The following DZANK1 variants were observed in gnomAD, a reference collection of about 807,000 sequenced individuals.
DZANK1 encodes the protein double zinc ribbon and ankyrin repeat-containing protein 1.
Under a neutral mutation model 94.5 loss-of-function variants are expected in DZANK1, and 91 were observed. The observed-to-expected ratio is 0.96, with a 90% confidence interval of 0.81 to 1.15. The LOEUF is 1.15. Ranked by LOEUF, DZANK1 falls within the 50% of genes most tolerant of loss-of-function variation. The pLI, the probability that DZANK1 is intolerant of heterozygous loss-of-function variation, is 0.00. For missense variants in DZANK1, 903 were observed against 916.4 expected, an observed-to-expected ratio of 0.99 and a Z score of 0.19; for synonymous variants, 312 against 325.3, an observed-to-expected ratio of 0.96 and a Z score of 0.44.
chr20:18,434,501 C>T (rs1412551199), intron 8 of DZANK1, among the ~76,000 whole-genome samples: 1 of 149,418 alleles, frequency 6.7e-6, no homozygotes, highest in Non-Finnish European at 1.5e-5. Flanking sequence ...GCCGAGATCG[C>T]CTCACTGCAC....
chr20:18,404,866 T>G (rs1471441306), intron 13 of DZANK1, among the ~76,000 whole-genome samples: 2 of 151,898 alleles, frequency 1.3e-5, no homozygotes, highest in Non-Finnish European at 2.9e-5. Context: ...CAGCTATAAT[T>G]GCACCACTGC....
At chr20:18,449,937 G>T (rs1003268742) in intron 6 of DZANK1, among the ~76,000 whole-genome samples, 1 of 151,574 alleles carries the variant, frequency 6.6e-6, no homozygotes, top group Non-Finnish European at 1.5e-5. Context: ...AATTAGCAGG[G>T]TGTGGTGGCG....
chr20:18,383,672 C>T (rs1381201403), exon 21 of DZANK1: 1 of 152,266 alleles, frequency 6.6e-6, no homozygotes. Context: ...ATATCTAACT[C>T]TGCACAACCC....
At chr20:18,453,906 A>G in intron 4 of DZANK1, 79 bp from the exon 5 acceptor site, 2 of 915,770 alleles carry the variant, frequency 2.2e-6, no homozygotes. Flanking sequence ...AGAAAGTGTC[A>G]TGGTGTGCAT....
chr20:18,388,265 C>T (rs2048633832), intron 19 of DZANK1, among the ~76,000 whole-genome samples: 1 of 152,208 alleles, frequency 6.6e-6, no homozygotes, highest in Non-Finnish European at 1.5e-5. Context: ...AAGGCTATTA[C>T]ACACCATTCA....
chr20:18,466,109 A>G (rs1031528057), intron 1 of DZANK1, among the ~76,000 whole-genome samples: 2 of 152,202 alleles, frequency 1.3e-5, no homozygotes, highest in African/African-American at 4.8e-5. Context: ...AATGCACAGA[A>G]GGTTTCAGGG....
chr20:18,400,989 T>C lies in DZANK1; in HGVS notation c.1433-2363A>G, dbSNP rs973238237. ...CTTGCTCTTGTCACCCAGGCTGGAG[T>C]ACAGTGGCATGATCTCAGCTCACTG... is the stretch of plus-strand genomic sequence containing the variant. On this transcript the variant is annotated intron_variant, in intron 13 of 20. Coordinates refer to ENST00000262547, the Ensembl canonical transcript of DZANK1. Among the ~76,000 whole-genome samples, 43 of 151,990 alleles carry C rather than the reference T, an allele frequency of 2.8e-4. 1 individual carries two copies. Among genetic ancestry groups the C allele is most frequent in the African/African-American group, 1.0e-3 (43 of 41,454 alleles).
chr20:18,397,143 A>C lies in DZANK1; in HGVS notation c.1537-597T>G, dbSNP rs189935455. 2.4e-3 allele frequency among the ~76,000 whole-genome samples: 361 copies of C among 152,328 alleles called. 1 individual carries two copies. The highest frequency in any genetic ancestry group is 3.0e-3 in the Non-Finnish European group (203 of 68,030). On this transcript the variant is annotated intron_variant, in intron 14 of 20. Transcript: ENST00000262547. ...GAATGGGTGCAGCTGTGATCCAATA[A>C]AATTTTATTTATAAAATTGGGCAGC...
chr20:18,422,813 T>TTTTTC (rs1441013343), intron 10 of DZANK1, among the ~76,000 whole-genome samples: 6 of 150,988 alleles, frequency 4.0e-5, no homozygotes, highest in Admixed American at 6.6e-5. Flanking sequence ...TTTTTTTTTT[T>TTTTTC]TCTCAAAATT....
chr20:18,448,192 G>A lies in DZANK1; in HGVS notation c.629+792C>T, dbSNP rs2058954404. Among the ~76,000 whole-genome samples the A allele has an allele frequency of 2.0e-5, 3 of 152,282 alleles. No individual in the cohort carries two copies. The South Asian group carries it at 6.2e-4, about 32-fold the overall frequency. The stretch of plus-strand genomic sequence containing the variant: ...CTGTGGTATATCCATACAATGGACT[G>A]TAGTTCAACAATAAAAAGAAACGGA... On this transcript the variant is annotated intron_variant, in intron 7 of 20. Transcript: ENST00000262547.
At chr20:18,465,571 TATC>T (rs2059620370) in intron 1 of DZANK1, 194 bp from the exon 2 acceptor site, 1 of 253,542 alleles carries the variant, frequency 3.9e-6, no homozygotes, top group African/African-American at 2.2e-5. Flanking sequence ...GGGTTTTGAT[TATC>T]TAAATACCTC....
At chr20:18,404,737 A>G (rs1162492610) in intron 13 of DZANK1, among the ~76,000 whole-genome samples, 1 of 152,152 alleles carries the variant, frequency 6.6e-6, no homozygotes, top group Non-Finnish European at 1.5e-5. Context: ...GAACTAAAGG[A>G]AATCATGCTT....
intron 7 of DZANK1, among the ~76,000 whole-genome samples, chr20:18,447,918 C>G (rs1340264262): frequency 6.6e-6 from 1 of 152,150 alleles, no homozygotes; most frequent in African/African-American, 2.4e-5. Flanking sequence ...CTATCATATT[C>G]CTCTTCAAGG....
chr20:18,433,931 T>C, intron 8 of DZANK1, 166 bp from the exon 9 acceptor site: 1 of 571,628 alleles, frequency 1.7e-6, no homozygotes, highest in African/African-American at 1.9e-5. Flanking sequence ...GGTGGAAGAA[T>C]GTAAAGTTTG....
At chr20:18,452,312 G>A (rs1379910541) in intron 6 of DZANK1, among the ~76,000 whole-genome samples, 1 of 152,122 alleles carries the variant, frequency 6.6e-6, no homozygotes, top group African/African-American at 2.4e-5. Context: ...GATGCTGCAG[G>A]TCTGGGGATC....
At chr20:18,462,828 C>T (rs1383163333) in intron 2 of DZANK1, among the ~76,000 whole-genome samples, 1 of 151,380 alleles carries the variant, frequency 6.6e-6, no homozygotes, top group African/African-American at 2.4e-5. Flanking sequence ...ATCCCAGCTA[C>T]TCCGAAGACT....
At chr20:18,393,198 C>T (rs912939807) in intron 17 of DZANK1, among the ~76,000 whole-genome samples, 87 of 152,210 alleles carry the variant, frequency 5.7e-4, no homozygotes, top group African/African-American at 2.0e-3. Context: ...CCCGTGAGAG[C>T]GCTTCACACA....
intron 13 of DZANK1, among the ~76,000 whole-genome samples, chr20:18,405,534 A>G (rs1464037895): frequency 6.6e-6 from 1 of 152,194 alleles, no homozygotes; most frequent in Non-Finnish European, 1.5e-5. Flanking sequence ...ATGGGACAGA[A>G]AAAAATATTT....
At chr20:18,407,254 AGCACACAAAGAGAGACT>A (rs2057012058) in intron 13 of DZANK1, among the ~76,000 whole-genome samples, 2 of 152,368 alleles carry the variant, frequency 1.3e-5, no homozygotes, top group South Asian at 4.1e-4. Context: ...CAGGTGGCTC[AGCACACAAAGAGAGACT>A]GTATGTCTGG....
Sources: allele counts gnomAD v4.1 joint callset (sites outside exome capture counted in the v4.1 genomes callset), GRCh38; gene constraint gnomAD v4.1.1; transcripts MANE v1.5; gene names NCBI Gene and HGNC (gene_info 2026-07-23, HGNC 2026-07-21).